The following DPYD variants were observed in gnomAD, a reference collection of about 807,000 sequenced individuals.
DPYD encodes the protein dihydropyrimidine dehydrogenase [NADP(+)].
DPYD carries 109 observed loss-of-function variants against 116.2 expected under a neutral mutation model. The observed-to-expected ratio is 0.94, with a 90% CI of 0.80 to 1.10. The LOEUF (loss-of-function observed/expected upper bound fraction) is 1.10. Ranked by LOEUF, DPYD falls within the 50% of genes least tolerant of loss-of-function variation. The pLI is 0.00. For synonymous variants in DPYD, 440 were observed against 432.0 expected, an observed-to-expected ratio of 1.02 and a Z score of -0.23; for missense variants, 1,302 against 1,254.5, an observed-to-expected ratio of 1.04 and a Z score of -0.57.
At chr1:97,912,964 T>C (rs1049650316) in intron 1 of DPYD, among the ~76,000 whole-genome samples, 16 of 152,114 alleles carry the variant, frequency 1.1e-4, no homozygotes, top group African/African-American at 3.9e-4. Flanking sequence ...TGCCATGGTT[T>C]TCACCTACAA....
chr1:97,493,914 A>G (rs1470437780), intron 13 of DPYD, among the ~76,000 whole-genome samples: 1 of 152,124 alleles, frequency 6.6e-6, no homozygotes, highest in Non-Finnish European at 1.5e-5. Context: ...GAAGAGGGCA[A>G]CTCAGTCTTT....
chr1:97,632,575 G>A (rs1327609335), intron 8 of DPYD, among the ~76,000 whole-genome samples: 1 of 152,060 alleles, frequency 6.6e-6, no homozygotes, highest in African/African-American at 2.4e-5. Flanking sequence ...AATCATACAT[G>A]TACATTGCTA....
At chr1:97,183,139 T>A (rs1037166876) in intron 20 of DPYD, among the ~76,000 whole-genome samples, 1 of 152,128 alleles carries the variant, frequency 6.6e-6, no homozygotes, top group African/African-American at 2.4e-5. Flanking sequence ...ACTTAATGTT[T>A]GCTTTTAAAA....
At chr1:97,622,281 G>A (rs1008477671) in intron 8 of DPYD, among the ~76,000 whole-genome samples, 1 of 151,930 alleles carries the variant, frequency 6.6e-6, no homozygotes, top group Non-Finnish European at 1.5e-5. Context: ...TATAAAATAA[G>A]GTGATTTAAA....
chr1:97,803,422 T>G (rs550171231), intron 3 of DPYD, among the ~76,000 whole-genome samples: 1 of 151,886 alleles, frequency 6.6e-6, no homozygotes, highest in African/African-American at 2.4e-5. Flanking sequence ...AAAAATAGTA[T>G]GACAGAAAAA....
At chr1:97,116,290 C>T (rs904367764) in intron 20 of DPYD, among the ~76,000 whole-genome samples, 4 of 152,106 alleles carry the variant, frequency 2.6e-5, no homozygotes, top group African/African-American at 9.7e-5. Context: ...AAACTGCCTG[C>T]ACCACGACTG....
At chr1:97,484,333 A>T (rs1355110263) in intron 13 of DPYD, among the ~76,000 whole-genome samples, 1 of 152,028 alleles carries the variant, frequency 6.6e-6, no homozygotes, top group East Asian at 1.9e-4. Flanking sequence ...AAAACAAAAA[A>T]ATTCCCCTAG....
At position 97,686,868 on chromosome 1, in the gene DPYD, C is replaced by G. The variant is rs548657861; in HGVS notation, c.762+4849G>C. The stretch of plus-strand genomic sequence containing the variant: ...ATCATCAGAGTGAAGAGGCAACCTA[C>G]AGAATGGGAGAAAATTTTTGGAATC... On this transcript the variant is annotated intron_variant, in intron 7 of 22. Coordinates refer to ENST00000370192, the MANE Select transcript of DPYD (RefSeq NM_000110.4). Among the ~76,000 whole-genome samples, 10 of 152,074 alleles carry G rather than the reference C, an allele frequency of 6.6e-5. No homozygotes were observed. In the South Asian group the frequency reaches 2.1e-3, roughly 32 times the overall value.
intron 14 of DPYD, among the ~76,000 whole-genome samples, chr1:97,401,824 G>C (rs1673395190): frequency 6.6e-6 from 1 of 152,110 alleles, no homozygotes; most frequent in African/African-American, 2.4e-5. Context: ...GGTGTGTCTA[G>C]ATTAATTTTT....
At chr1:97,373,252 T>C (rs1392674929) in intron 16 of DPYD, among the ~76,000 whole-genome samples, 1 of 152,188 alleles carries the variant, frequency 6.6e-6, no homozygotes, top group Non-Finnish European at 1.5e-5. Context: ...GCATCAGGAA[T>C]GAATAAAGAA....
intron 19 of DPYD, among the ~76,000 whole-genome samples, chr1:97,211,271 C>T (rs973751253): frequency 6.6e-6 from 1 of 152,154 alleles, no homozygotes; most frequent in South Asian, 2.1e-4. Context: ...TGAATCTTCT[C>T]ATTCAGTTCT....
chr1:97,308,204 G>A (rs542281910), intron 16 of DPYD, among the ~76,000 whole-genome samples: 1 of 151,868 alleles, frequency 6.6e-6, no homozygotes, highest in East Asian at 1.9e-4. Context: ...ATTGCTTAAT[G>A]ATCTGGAATT....
At position 97,506,260 on chromosome 1, in the gene DPYD, G is replaced by A. The variant is rs536320857; in HGVS notation, c.1740+9466C>T. 2.6e-5 allele frequency among the ~76,000 whole-genome samples: 4 copies of A among 152,018 alleles called. No individual in the cohort carries two copies. In the South Asian group the frequency reaches 8.3e-4, roughly 32 times the overall value. ...TGAGTATAAAGAATATCATTACATA[G>A]TAGTTACTAGAATCTTATTAAAAAG... is the stretch of plus-strand genomic sequence containing the variant. On this transcript the variant is annotated intron_variant, in intron 13 of 22. Transcript: ENST00000370192.
intron 14 of DPYD, among the ~76,000 whole-genome samples, chr1:97,415,588 C>T (rs1179218928): frequency 1.3e-5 from 2 of 152,174 alleles, no homozygotes; most frequent in African/African-American, 4.8e-5. Flanking sequence ...TCCCAAAGTG[C>T]TGGGACTACA....
intron 13 of DPYD, among the ~76,000 whole-genome samples, chr1:97,461,353 T>A (rs1677022386): frequency 6.6e-6 from 1 of 152,182 alleles, no homozygotes; most frequent in Non-Finnish European, 1.5e-5. Context: ...CTTTCAACTT[T>A]ATTCTAGAGA....
chr1:97,902,255 T>C lies in DPYD; in HGVS notation c.39+18629A>G, dbSNP rs1204744828. ...ACTGAGTCAAGATTAGAACCAAGTCTCCTAACTCTATGACATCACCACACT... is the reference window on the plus strand; with the variant it reads ...ACTGAGTCAAGATTAGAACCAAGTCCCCTAACTCTATGACATCACCACACT... On this transcript the variant is annotated intron_variant, in intron 1 of 22. Coordinates refer to ENST00000370192, the MANE Select transcript of DPYD (RefSeq NM_000110.4). 2.6e-4 allele frequency among the ~76,000 whole-genome samples: 40 copies of C among 151,762 alleles called. 1 individual carries two copies. The highest frequency in any genetic ancestry group is 2.6e-3 in the Admixed American group (40 of 15,184).
intron 3 of DPYD, among the ~76,000 whole-genome samples, chr1:97,755,150 T>C (rs1229812053): frequency 6.6e-6 from 1 of 152,134 alleles, no homozygotes; most frequent in Non-Finnish European, 1.5e-5. Context: ...AGAACAACTA[T>C]AGCATGTGCT....
chr1:97,330,398 G>A (rs1294342872), intron 16 of DPYD, among the ~76,000 whole-genome samples: 1 of 152,064 alleles, frequency 6.6e-6, no homozygotes, highest in Non-Finnish European at 1.5e-5. Context: ...TATCTTATTT[G>A]CCTAGTAGTG....
Position 97,242,122 on chromosome 1 carries a change from GTGTATATATATATATATATATA to G in DPYD, c.2300-7150_2300-7129del, listed in dbSNP as rs1293768313. 1.6e-3 allele frequency among the ~76,000 whole-genome samples: 118 copies of G among 71,590 alleles called. 7 individuals carry two copies. Among genetic ancestry groups the G allele is most frequent in the Middle Eastern group, 8.5e-3 (1 of 118 alleles). 47.0% of individuals were successfully genotyped at this position (71,590 alleles called of 152,430 possible). A position where few individuals can be genotyped will look rare whatever the true frequency, so the allele number is the denominator to read the frequency against. On this transcript the variant is annotated intron_variant, in intron 18 of 22. Transcript: ENST00000370192. ...TGTAATTTGCAACGTGTGTGTGCGT[GTGTATATATATATATATATATA>G]TATATATATATATATATATATATAT... is the stretch of plus-strand genomic sequence containing the variant.
Sources: gnomAD v4.1 joint callset for allele counts (sites outside exome capture counted in the v4.1 genomes callset) on GRCh38, gnomAD v4.1.1 for gene constraint, MANE v1.5 for transcripts, NCBI Gene and HGNC (gene_info 2026-07-23, HGNC 2026-07-21) for gene names.